The following ZC3H11A variants were observed in gnomAD, a reference collection of about 807,000 sequenced individuals.
The protein encoded by ZC3H11A is zinc finger CCCH domain-containing protein 11A.
In ZC3H11A, 22 loss-of-function variants were observed where a neutral mutation model predicts 90.8. The ratio of observed to expected loss-of-function variants is 0.24; its 90% CI spans 0.17 to 0.35. ZC3H11A has a LOEUF of 0.35. ZC3H11A is among the 10% of genes least tolerant of loss of function. The probability of loss-of-function intolerance (pLI) is 1.00; values close to 1 mark genes in which losing one functional copy is unlikely to be tolerated. For missense variants in ZC3H11A, 701 were observed against 964.9 expected, an observed-to-expected ratio of 0.73 and a Z score of 3.62; for synonymous variants, 294 against 339.8, an observed-to-expected ratio of 0.87 and a Z score of 1.48.
intron 1 of ZC3H11A, chr1:203,798,866 A>C: frequency 2.0e-6 from 3 of 1,536,160 alleles, no homozygotes; most frequent in Non-Finnish European, 2.6e-6. Flanking sequence ...GGTTGCCATC[A>C]GAGACTTACT....
chr1:203,847,884 C>T (rs142038998), intron 13 of ZC3H11A, among the ~76,000 whole-genome samples, 197 bp downstream of exon 13: 3,545 of 152,210 alleles, frequency 0.023, 54 homozygotes, highest in Non-Finnish European at 0.036. Context: ...GAGACAGAGT[C>T]TCACTCTGTC....
At position 203,829,469 on chromosome 1, in the gene ZC3H11A, C is replaced by T. The variant is rs1363198144; in HGVS notation, c.317C>T (p.Pro106Leu). 6.2e-7 allele frequency: 1 copy of T among 1,613,894 alleles called. No individual in the cohort carries two copies. Among genetic ancestry groups the T allele is most frequent in the Non-Finnish European group, 8.5e-7 (1 of 1,179,868 alleles). ...CGTTTAGCTGTGTTGCCCACTGTGC[C>T]TGAGTCACCAGAAGAGGAAGTGAAG... ...PPSKTVLPTVPESPEEEVKAS... is the reference protein window; with the variant it reads ...PPSKTVLPTVLESPEEEVKAS... Residue 106 changes from proline (P) to leucine (L), a missense_variant, in exon 6 of 18, where the codon CCT becomes CTT. By Grantham distance (98) the Pro-to-Leu change is moderately conservative (BLOSUM62 -3). Transcript: ENST00000367210.
At chr1:203,799,124 T>C (rs917226322) in intron 1 of ZC3H11A, 14 of 1,523,306 alleles carry the variant, frequency 9.2e-6, no homozygotes, top group Non-Finnish European at 1.1e-5. Context: ...CTAAAGACTG[T>C]TTGATAACCA....
At chr1:203,845,454 CGT>C (rs1687627662) in intron 12 of ZC3H11A, among the ~76,000 whole-genome samples, 1 of 152,156 alleles carries the variant, frequency 6.6e-6, no homozygotes, top group African/African-American at 2.4e-5. Context: ...TAAATACAGT[CGT>C]TGTTCTCATG....
intron 4 of ZC3H11A, among the ~76,000 whole-genome samples, chr1:203,825,076 C>CAAAAAAAAAAA (rs61108073): frequency 9.2e-6 from 1 of 108,964 alleles, no homozygotes; most frequent in Admixed American, 1.1e-4. Flanking sequence ...GACTCCGTCT[C>CAAAAAAAAAAA]AAAAAAAAAA....
rs763940689 is a variant in ZC3H11A at position 203,829,673 on chromosome 1, C to G, written c.502+19C>G. ...GATGATGGTAAGTTCTGTCTGGCTC[C>G]TTCTTTAAGGCAAATAAATAGGGTC... On this transcript the variant is annotated intron_variant, in intron 6 of 17. Transcript: ENST00000367210. The G allele has an allele frequency of 6.2e-6, 10 of 1,614,010 alleles. No homozygotes were observed. The highest frequency in any genetic ancestry group is 3.3e-5 in the Admixed American group (2 of 60,002).
rs370178139 is a variant in ZC3H11A at position 203,821,974 on chromosome 1, G to A, written c.174+3285G>A. On this transcript the variant is annotated intron_variant, in intron 4 of 17. Coordinates refer to ENST00000367210, the MANE Select transcript of ZC3H11A (RefSeq NM_001376342.1). ...GGGTTTCACCGTGTTAGCCAGGATG[G>A]TCTCGATCTGCTGACCTCGTGATCC... Among the ~76,000 whole-genome samples, 53 of 152,142 alleles carry A rather than the reference G, an allele frequency of 3.5e-4. 1 individual carries two copies. The highest frequency in any genetic ancestry group is 2.3e-3 in the East Asian group (12 of 5,162).
At chr1:203,850,313 G>A (rs1688961678) in intron 15 of ZC3H11A, 1 of 718,384 alleles carries the variant, frequency 1.4e-6, no homozygotes, top group African/African-American at 1.8e-5. Flanking sequence ...ACAAATTTAA[G>A]TGGTATTGTA....
rs1293291746 is a variant in ZC3H11A at position 203,852,482 on chromosome 1, A to G, written c.*83A>G. ...TCTATTGTAACATTTACCTGAGATG[A>G]TCATTTCTTTAGTCTAGAATTTGCC... On this transcript the variant is annotated 3_prime_UTR_variant, in exon 18 of 18. Transcript: ENST00000367210. 3.6e-5 allele frequency: 53 copies of G among 1,474,558 alleles called. No homozygotes were observed. In the South Asian group the frequency reaches 6.8e-4, roughly 19 times the overall value. The allele number at this position is 1,474,558 out of a possible 1,614,324, so 91.3% of individuals were successfully genotyped here.
rs1383078459 is a variant in ZC3H11A, at chr1:203,853,552, A to G, written c.*1153A>G. ...ATAGTCTTGAAAGGAGATATGTTGT[A>G]TATAATCAGGAGGAAGAGGAAGGAA... is the stretch of plus-strand genomic sequence containing the variant. On this transcript the variant is annotated 3_prime_UTR_variant, in exon 18 of 18. Transcript: ENST00000367210. The G allele has an allele frequency of 6.6e-6, 1 of 152,616 alleles. No homozygotes were observed. Among genetic ancestry groups the G allele is most frequent in the Non-Finnish European group, 1.5e-5 (1 of 68,046 alleles). 9.5% of individuals were successfully genotyped at this position (152,616 alleles called of 1,614,324 possible). A position where few individuals can be genotyped will look rare whatever the true frequency, so the allele number is the denominator to read the frequency against.
chr1:203,805,817 A>G (rs1327177540), intron 2 of ZC3H11A: 4 of 864,100 alleles, frequency 4.6e-6, no homozygotes, highest in African/African-American at 1.7e-5. Context: ...GGGCCGCCAT[A>G]ACTGCGACTC....
chr1:203,836,211 T>C (rs1684269180), intron 10 of ZC3H11A, among the ~76,000 whole-genome samples: 1 of 152,228 alleles, frequency 6.6e-6, no homozygotes, highest in African/African-American at 2.4e-5. Flanking sequence ...AGCAAGACCC[T>C]GTCTCTAAAA....
intron 2 of ZC3H11A, chr1:203,814,912 C>G (rs1488333531): frequency 6.6e-6 from 1 of 152,190 alleles, no homozygotes; most frequent in African/African-American, 2.4e-5. Context: ...TCACTGCAAC[C>G]TCCACCTCCC....
intron 1 of ZC3H11A, chr1:203,798,549 T>A: frequency 6.5e-7 from 1 of 1,536,114 alleles, no homozygotes; most frequent in Non-Finnish European, 8.7e-7. Flanking sequence ...AAGTGATCTC[T>A]TGAGTGATAC....
chr1:203,826,240 T>A (rs1291746311), intron 4 of ZC3H11A, among the ~76,000 whole-genome samples: 1 of 152,176 alleles, frequency 6.6e-6, no homozygotes. Context: ...CTTTTATTTT[T>A]ACTTTATTTT....
At chr1:203,798,310 G>C (rs1275150102) in intron 1 of ZC3H11A, 2 of 1,536,130 alleles carry the variant, frequency 1.3e-6, no homozygotes, top group South Asian at 1.2e-5. Context: ...CCTGGAACTA[G>C]AGCCAAGACA....
intron 2 of ZC3H11A, among the ~76,000 whole-genome samples, chr1:203,810,684 G>A (rs1674155556): frequency 6.6e-6 from 1 of 152,144 alleles, no homozygotes; most frequent in Non-Finnish European, 1.5e-5. Context: ...CTCCCAAAAT[G>A]CTGGGAATAC....
intron 2 of ZC3H11A, among the ~76,000 whole-genome samples, chr1:203,803,296 G>C (rs1671091807): frequency 6.6e-6 from 1 of 151,918 alleles, no homozygotes; most frequent in Non-Finnish European, 1.5e-5. Context: ...GGTTCAAGCA[G>C]TTCTCCTGCC....
intron 5 of ZC3H11A, 64 bp from the exon 6 acceptor site, chr1:203,829,387 G>C: frequency 6.4e-7 from 1 of 1,558,302 alleles, no homozygotes; most frequent in Non-Finnish European, 8.8e-7. Context: ...AGGTGGTCAG[G>C]AATTTTTGGT....
Sources: gnomAD v4.1 joint callset for allele counts (sites outside exome capture counted in the v4.1 genomes callset) on GRCh38, gnomAD v4.1.1 for gene constraint, MANE v1.5 for transcripts, NCBI Gene and HGNC (gene_info 2026-07-23, HGNC 2026-07-21) for gene names.